The following GRIP1 variants were observed in gnomAD, a reference collection of about 807,000 sequenced individuals.
The protein encoded by GRIP1 is glutamate receptor-interacting protein 1.
In GRIP1, 45 loss-of-function variants were observed where a neutral mutation model predicts 129.9. The ratio of observed to expected loss-of-function variants is 0.35; its 90% CI spans 0.27 to 0.44. The LOEUF is 0.44. GRIP1 is among the 20% of genes least tolerant of loss of function. The pLI, the probability that GRIP1 is intolerant of heterozygous loss-of-function variation, is 1.00. For missense variants in GRIP1, 1,196 were observed against 1,396.8 expected (o/e 0.86, Z 2.29); for synonymous variants, 530 against 520.8 (o/e 1.02, Z -0.24).
intron 1 of GRIP1, among the ~76,000 whole-genome samples, chr12:66,598,733 A>G (rs17181630): frequency 0.13 from 19,808 of 152,226 alleles, 1,477 homozygotes; most frequent in African/African-American, 0.18. Flanking sequence ...CAAAACCTTG[A>G]AACAGTGTGT....
chr12:66,926,889 C>A (rs1426814611), intron 1 of GRIP1, among the ~76,000 whole-genome samples: 2 of 152,296 alleles, frequency 1.3e-5, no homozygotes, highest in East Asian at 3.9e-4. Context: ...TAAAAGCATG[C>A]AGGCACAGTA....
rs573985078 is a variant in GRIP1, at chr12:66,461,393, C to T, written c.1042+1531G>A. ...GTGCTCCAAATCCAATGATGACTGC[C>T]GATTAATTTAAAGAAACTTAAACAG... On this transcript the variant is annotated intron_variant, in intron 9 of 24. Transcript: ENST00000359742. Among the ~76,000 whole-genome samples, 27 of 152,252 alleles carry T rather than the reference C, an allele frequency of 1.8e-4. No individual in the cohort carries two copies. The South Asian group carries it at 3.5e-3, about 20-fold the overall frequency.
intron 1 of GRIP1, among the ~76,000 whole-genome samples, chr12:66,720,984 G>C (rs181294443): frequency 2.1e-4 from 32 of 152,194 alleles, no homozygotes; most frequent in East Asian, 3.9e-4. Context: ...TCCATCAGAG[G>C]AATCACTATT....
chr12:67,065,364 T>C (rs1208309848), intron 1 of GRIP1: 2 of 151,880 alleles, frequency 1.3e-5, no homozygotes, highest in Admixed American at 6.6e-5. Context: ...AAAACAGAAA[T>C]CTAAAGAGAA....
intron 1 of GRIP1, among the ~76,000 whole-genome samples, chr12:66,711,032 G>A (rs1204860547): frequency 6.6e-6 from 1 of 151,792 alleles, no homozygotes; most frequent in Non-Finnish European, 1.5e-5. Flanking sequence ...TTCATAGAGA[G>A]TATCTTTTCC....
At chr12:66,418,740 G>A (rs548527890) in intron 15 of GRIP1, among the ~76,000 whole-genome samples, 5 of 152,246 alleles carry the variant, frequency 3.3e-5, no homozygotes, top group South Asian at 4.2e-4. Flanking sequence ...AAACTACAAT[G>A]AGATATCATC....
At chr12:66,796,837 A>G (rs7959634) in intron 1 of GRIP1, among the ~76,000 whole-genome samples, 9,477 of 152,230 alleles carry the variant, frequency 0.062, 997 homozygotes, top group African/African-American at 0.22. Flanking sequence ...ATTATTTACA[A>G]TATTATTAAT....
At chr12:66,960,970 TAG>T (rs71856278) in intron 1 of GRIP1, among the ~76,000 whole-genome samples, 55,166 of 151,708 alleles carry the variant, frequency 0.36, 10,320 homozygotes, top group East Asian at 0.53. Context: ...GCCTGAGAAA[TAG>T]AGAAATCTAG....
chr12:67,036,246 C>A (rs1185442269), intron 1 of GRIP1, among the ~76,000 whole-genome samples: 2 of 151,928 alleles, frequency 1.3e-5, no homozygotes, highest in South Asian at 2.1e-4. Context: ...TGAGGGTAAC[C>A]ATTCTGAGAA....
intron 19 of GRIP1, among the ~76,000 whole-genome samples, chr12:66,392,037 T>C (rs937164341): frequency 1.3e-4 from 20 of 152,168 alleles, no homozygotes; most frequent in African/African-American, 3.9e-4. Flanking sequence ...TAATCTAAGC[T>C]TGAAGGACAA....
intron 1 of GRIP1, among the ~76,000 whole-genome samples, chr12:66,914,220 G>A (rs2041081180): frequency 6.6e-6 from 1 of 151,990 alleles, no homozygotes; most frequent in Non-Finnish European, 1.5e-5. Context: ...CAAAATGGGG[G>A]GTAGGCACAT....
intron 7 of GRIP1, among the ~76,000 whole-genome samples, chr12:66,488,607 A>G (rs1411429817): frequency 6.6e-6 from 1 of 152,228 alleles, no homozygotes; most frequent in African/African-American, 2.4e-5. Context: ...AGCAGAGGAC[A>G]AGAAATAACC....
At position 66,624,050 on chromosome 12, in the gene GRIP1, G is replaced by C. The variant is rs564118369; in HGVS notation, c.56-27123C>G. Among the ~76,000 whole-genome samples the C allele has an allele frequency of 7.7e-4, 117 of 151,888 alleles. 1 individual carries two copies. The South Asian group carries it at 0.015, about 19-fold the overall frequency. On this transcript the variant is annotated intron_variant, in intron 1 of 24. Coordinates refer to ENST00000359742, the MANE Select transcript of GRIP1 (RefSeq NM_001366722.1). ...TCATATATTTATTCAGTAATTTCAGGGTGCAACGCACTGTGCTAGATGATG... is the reference window on the plus strand; with the variant it reads ...TCATATATTTATTCAGTAATTTCAGCGTGCAACGCACTGTGCTAGATGATG...
chr12:66,450,886 T>G (rs1199779358), intron 11 of GRIP1, among the ~76,000 whole-genome samples: 1 of 152,206 alleles, frequency 6.6e-6, no homozygotes, highest in Non-Finnish European at 1.5e-5. Flanking sequence ...TTGATTATCC[T>G]GCTTCATTAA....
At chr12:66,356,966 T>C (rs2054517951) in intron 23 of GRIP1, among the ~76,000 whole-genome samples, 1 of 152,158 alleles carries the variant, frequency 6.6e-6, no homozygotes, top group Non-Finnish European at 1.5e-5. Flanking sequence ...GCTCACTGCC[T>C]CCTGGGTTCA....
At chr12:66,686,230 T>C (rs2034779218) in intron 1 of GRIP1, among the ~76,000 whole-genome samples, 1 of 152,132 alleles carries the variant, frequency 6.6e-6, no homozygotes, top group Admixed American at 6.6e-5. Flanking sequence ...GACAAGATCA[T>C]AAGGACCCTG....
At chr12:66,637,397 A>T (rs1408844126) in intron 1 of GRIP1, among the ~76,000 whole-genome samples, 1 of 151,954 alleles carries the variant, frequency 6.6e-6, no homozygotes, top group Non-Finnish European at 1.5e-5. Context: ...CTTCTTTTTT[A>T]AAACATGTAT....
intron 23 of GRIP1, among the ~76,000 whole-genome samples, chr12:66,367,977 A>G (rs1220047525): frequency 6.6e-6 from 1 of 152,200 alleles, no homozygotes; most frequent in Non-Finnish European, 1.5e-5. Context: ...AGGAATGAAT[A>G]TGGACAACTT....
intron 1 of GRIP1, among the ~76,000 whole-genome samples, chr12:66,836,362 T>A (rs2039613765): frequency 1.3e-5 from 2 of 152,168 alleles, no homozygotes; most frequent in Non-Finnish European, 2.9e-5. Flanking sequence ...CGGGCCTTTA[T>A]CCACAGCCCT....
Sources: gnomAD v4.1 joint callset for allele counts (sites outside exome capture counted in the v4.1 genomes callset) on GRCh38, gnomAD v4.1.1 for gene constraint, MANE v1.5 for transcripts, NCBI Gene and HGNC (gene_info 2026-07-23, HGNC 2026-07-21) for gene names.